Variants in CEP290 observed in about 807,000 individuals in gnomAD.
CEP290 encodes centrosomal protein 290, also known as centrosomal protein of 290 kDa.
CEP290 carries 317 observed loss-of-function variants against 344.9 expected under a neutral mutation model. The observed-to-expected ratio is 0.92, with a 90% confidence interval of 0.84 to 1.01. The LOEUF (loss-of-function observed/expected upper bound fraction) is 1.01. CEP290 is among the 50% of genes least tolerant of loss of function. CEP290 has a pLI of 0.00. For missense variants in CEP290, 2,754 were observed against 2,761.4 expected (o/e 1.00, Z 0.06); for synonymous variants, 932 against 895.8 (o/e 1.04, Z -0.72).
intron 43 of CEP290, among the ~76,000 whole-genome samples, chr12:88,070,862 T>C (rs768504833): frequency 3.3e-5 from 5 of 152,134 alleles, no homozygotes; most frequent in Non-Finnish European, 7.4e-5. Flanking sequence ...GGATCGATCC[T>C]AATCAGAATA....
At chr12:88,115,840 T>C in intron 18 of CEP290, 1 of 984,138 alleles carries the variant, frequency 1.0e-6, no homozygotes, top group Middle Eastern at 5.2e-4. Context: ...TGAGATAATT[T>C]TGATTGTGCA....
chr12:88,089,427 G>C lies in CEP290; in HGVS notation c.3634C>G (p.Leu1212Val). The C allele has an allele frequency of 6.2e-7, 1 of 1,604,976 alleles. No homozygotes were observed. Among genetic ancestry groups the C allele is most frequent in the Non-Finnish European group, 8.5e-7 (1 of 1,174,818 alleles). Residue 1212 changes from leucine (L) to valine (V), a missense_variant, in exon 31 of 54, where the codon CTG (leucine) becomes GTG (valine). Transcript: ENST00000552810. ...TTACCAAGAGCAGTAGCCTCACTCA[G>C]TTGAAGAGAGACATTATGTTGGTGC... ...KLHQHNVSLQ[L>V]SEATALGKLE... is the part of the protein sequence containing the mutation.
chr12:88,136,268 C>A (rs1310756257), intron 6 of CEP290: 1 of 199,684 alleles, frequency 5.0e-6, no homozygotes, highest in Non-Finnish European at 1.0e-5. Flanking sequence ...CATATAAATA[C>A]ATTGAAATGA....
chr12:88,067,544 G>T (rs982298437), intron 44 of CEP290, among the ~76,000 whole-genome samples: 1 of 152,162 alleles, frequency 6.6e-6, no homozygotes, highest in Non-Finnish European at 1.5e-5. Flanking sequence ...GTCCTCCATA[G>T]CAGATTCTAC....
intron 3 of CEP290, among the ~76,000 whole-genome samples, chr12:88,140,710 A>G (rs888026549): frequency 1.3e-5 from 2 of 152,204 alleles, no homozygotes; most frequent in Non-Finnish European, 2.9e-5. Flanking sequence ...ACCTCAAGAT[A>G]TATTTCCTTA....
intron 10 of CEP290, among the ~76,000 whole-genome samples, chr12:88,129,370 C>T (rs2468220): frequency 0.93 from 140,865 of 151,816 alleles, 65,473 homozygotes; most frequent in East Asian, 0.99. Flanking sequence ...GTTTCTAATA[C>T]ATTTATAATG....
At chr12:88,060,734 G>T in intron 47 of CEP290, 96 bp downstream of exon 47, 5 of 882,630 alleles carry the variant, frequency 5.7e-6, no homozygotes, top group Non-Finnish European at 6.7e-6. Context: ...ATTCATTAAA[G>T]CCATTTTATA....
At chr12:88,140,093 T>C (rs530830680) in intron 3 of CEP290, among the ~76,000 whole-genome samples, 233 of 152,286 alleles carry the variant, frequency 1.5e-3, no homozygotes, top group Non-Finnish European at 2.8e-3. Flanking sequence ...AGATTTTTAA[T>C]AGCATGAAAC....
At chr12:88,085,589 G>C (rs1346410215) in intron 34 of CEP290, among the ~76,000 whole-genome samples, 1 of 151,996 alleles carries the variant, frequency 6.6e-6, no homozygotes, top group Non-Finnish European at 1.5e-5. Context: ...TGACAGATTT[G>C]ATCACCTACT....
chr12:88,139,288 A>C (rs1245334741), intron 4 of CEP290, 97 bp from the exon 5 acceptor site: 2 of 610,422 alleles, frequency 3.3e-6, no homozygotes, highest in Non-Finnish European at 5.4e-6. Context: ...TTCTTTTAAA[A>C]GAGTCCATCA....
chr12:88,093,031 T>C (rs2037163674), intron 28 of CEP290, among the ~76,000 whole-genome samples, 199 bp from the exon 29 acceptor site: 1 of 152,132 alleles, frequency 6.6e-6, no homozygotes, highest in Admixed American at 6.5e-5. Flanking sequence ...ACTCTGGTTA[T>C]ATTCCAATCC....
At chr12:88,093,560 TATAAC>T (rs1414275200) in intron 28 of CEP290, 2 of 479,822 alleles carry the variant, frequency 4.2e-6, no homozygotes, top group African/African-American at 3.9e-5. Context: ...AATCTAATAA[TATAAC>T]ATTGGTGAGA....
chr12:88,064,941 T>G (rs1565800660), intron 44 of CEP290, among the ~76,000 whole-genome samples: 1 of 152,162 alleles, frequency 6.6e-6, no homozygotes, highest in Non-Finnish European at 1.5e-5. Context: ...CTTCATTCTT[T>G]GAGCTAAAGT....
In CEP290 at chr12:88,089,253, G is replaced by C. The variant is rs776991513; in HGVS notation, c.3808C>G (p.Leu1270Val). Residue 1270 changes from leucine to valine, a missense_variant, in exon 31 of 54, where the codon CTA becomes GTA. Leu to Val is a conservative substitution (Grantham distance 32, BLOSUM62 1). Coordinates refer to ENST00000552810, the MANE Select transcript of CEP290 (RefSeq NM_025114.4). ...AKHLRQTIQS[L>V]RRQFSGALPL... ...AAAGCTCCACTAAACTGTCGTCGTA[G>C]AGACTGAATTGTTTGGCGCAGATGT... 1.9e-6 allele frequency: 3 copies of C among 1,613,946 alleles called. No homozygotes were observed. Among genetic ancestry groups the C allele is most frequent in the East Asian group, 4.5e-5 (2 of 44,876 alleles).
At chr12:88,098,947 C>G (rs1170195456) in intron 26 of CEP290, among the ~76,000 whole-genome samples, 1 of 152,116 alleles carries the variant, frequency 6.6e-6, no homozygotes, top group Non-Finnish European at 1.5e-5. Flanking sequence ...GGGGCCACAC[C>G]AGGCAGGGCA....
chr12:88,060,459 C>T (rs950286997), intron 47 of CEP290, among the ~76,000 whole-genome samples: 3 of 151,976 alleles, frequency 2.0e-5, no homozygotes, highest in Non-Finnish European at 2.9e-5. Flanking sequence ...CTGGGGGAGG[C>T]TGAGGCAGGA....
chr12:88,116,059 A>T, intron 18 of CEP290: 1 of 985,346 alleles, frequency 1.0e-6, no homozygotes, highest in Non-Finnish European at 1.2e-6. Context: ...AATATTGCAG[A>T]TTTTTGCCTA....
At position 88,059,878 on chromosome 12, in the gene CEP290, A is replaced by G. The variant is rs1030943857; in HGVS notation, c.6645+20T>C. The G allele has an allele frequency of 6.4e-7, 1 of 1,554,368 alleles. No homozygotes were observed. Among genetic ancestry groups the G allele is most frequent in the Admixed American group, 2.2e-5 (1 of 46,458 alleles). On this transcript the variant is annotated intron_variant, in intron 48 of 53. Transcript: ENST00000552810. ...AGTAAAATAAAAATCAAAAGTTATA[A>G]TCAGTCATAAAAGTCATACTTTTTT...
intron 44 of CEP290, among the ~76,000 whole-genome samples, chr12:88,066,040 CTTAT>C (rs1339393222): frequency 4.6e-5 from 7 of 152,064 alleles, no homozygotes; most frequent in East Asian, 1.9e-4. Flanking sequence ...GTCTCAAACT[CTTAT>C]TTATTAGCAT....
Sources: gnomAD v4.1 joint callset for allele counts (sites outside exome capture counted in the v4.1 genomes callset) on GRCh38, gnomAD v4.1.1 for gene constraint, MANE v1.5 for transcripts, NCBI Gene and HGNC (gene_info 2026-07-23, HGNC 2026-07-21) for gene names.